Variants in NKD2 observed in about 807,000 individuals in gnomAD.
NKD2 encodes the protein NKD inhibitor of Wnt signaling pathway 2.
Under a neutral mutation model 34.8 loss-of-function variants are expected in NKD2, and 43 were observed. The observed-to-expected ratio is 1.24, with a 90% CI of 0.97 to 1.60. NKD2 has a LOEUF of 1.60. Ranked by LOEUF, NKD2 falls within the 40% of genes most tolerant of loss-of-function variation. The probability of loss-of-function intolerance (pLI) is 0.00; values close to 1 mark genes in which losing one functional copy is unlikely to be tolerated. For synonymous variants in NKD2, 278 were observed against 265.1 expected (o/e 1.05, Z -0.47); for missense variants, 675 against 627.1 (o/e 1.08, Z -0.82).
At position 1,037,990 on chromosome 5, in the gene NKD2, G is replaced by A; in HGVS notation, c.973G>A (p.Gly325Arg). ...RALDTQPRPKGPEKQFLKSPK... is the reference protein window; with the variant it reads ...RALDTQPRPKRPEKQFLKSPK... ...CCTGGACACGCAGCCCCGGCCGAAGGGGCCGGAGAAGCAGTTCCTCAAGTC... is the reference window on the plus strand; with the variant it reads ...CCTGGACACGCAGCCCCGGCCGAAGAGGCCGGAGAAGCAGTTCCTCAAGTC... Residue 325 changes from glycine (G) to arginine (R), a missense_variant, in exon 10 of 10, where the codon GGG becomes AGG. Physicochemically the swap from Gly to Arg is moderately radical, Grantham distance 125. Transcript: ENST00000296849. The A allele has an allele frequency of 6.2e-7, 1 of 1,606,426 alleles. No homozygotes were observed. The highest frequency in any genetic ancestry group is 8.5e-7 in the Non-Finnish European group (1 of 1,178,022).
chr5:1,030,901 G>T (rs1465181299), intron 3 of NKD2, among the ~76,000 whole-genome samples: 1 of 152,176 alleles, frequency 6.6e-6, no homozygotes, highest in Admixed American at 6.5e-5. Context: ...CAGCCACAAG[G>T]GGGGCTGGGG....
chr5:1,028,356 C>T (rs575840055), intron 3 of NKD2, among the ~76,000 whole-genome samples: 3 of 152,280 alleles, frequency 2.0e-5, no homozygotes, highest in East Asian at 1.9e-4. Flanking sequence ...CATGCAGCTG[C>T]GAGGCTATGG....
rs561258381 is a variant in NKD2 at position 1,026,873 on chromosome 5, A to T, written c.142-5279A>T. 2.0e-5 allele frequency among the ~76,000 whole-genome samples: 3 copies of T among 152,334 alleles called. No homozygotes were observed. In the East Asian group the frequency reaches 5.8e-4, roughly 29 times the overall value. On this transcript the variant is annotated intron_variant, in intron 3 of 9. Transcript: ENST00000296849. ...CTGAGGTGGCGGTGGCTGCAGCCTA[A>T]GCTTGGCAGGCGCCTACCTTGCTCC... is the stretch of plus-strand genomic sequence containing the variant.
chr5:1,021,326 C>T (rs1756168991), intron 3 of NKD2, among the ~76,000 whole-genome samples: 1 of 143,170 alleles, frequency 7.0e-6, no homozygotes, highest in Non-Finnish European at 1.5e-5. Flanking sequence ...CCCCCACCTC[C>T]CAGCCCCTTT....
Position 1,009,375 on chromosome 5 carries a change from C to A in NKD2, c.62-106C>A. On this transcript the variant is annotated intron_variant, in intron 2 of 9. Coordinates refer to ENST00000296849, the MANE Select transcript of NKD2 (RefSeq NM_033120.4). The surrounding 1 kb of genome is among the most constrained non-coding windows in gnomAD (Gnocchi z 6.9). ...ACCCCCACGCCTGCCCCTGCGCGGT[C>A]TCCAGGCGATGGGGACACAGCGAAG... 2 of 922,600 alleles carry A rather than the reference C, an allele frequency of 2.2e-6. No individual in the cohort carries two copies. Among genetic ancestry groups the A allele is most frequent in the Non-Finnish European group, 3.1e-6 (2 of 640,976 alleles). The allele number at this position is 922,600 out of a possible 1,614,324, so 57.2% of individuals were successfully genotyped here. A position where few individuals can be genotyped will look rare whatever the true frequency, so the allele number is the denominator to read the frequency against.
chr5:1,037,655 T>C, intron 9 of NKD2, 150 bp from the exon 10 acceptor site: 2 of 1,535,968 alleles, frequency 1.3e-6, no homozygotes, highest in Non-Finnish European at 1.7e-6. Flanking sequence ...CCTTCAGGGC[T>C]GGTGGCCGTC....
chr5:1,035,156 ATGAATGAG>A, intron 7 of NKD2, among the ~76,000 whole-genome samples: 1 of 149,986 alleles, frequency 6.7e-6, no homozygotes, highest in South Asian at 2.1e-4. Context: ...GAATGAGTTA[ATGAATGAG>A]TGAGTGTTAA....
rs1329390308 is a variant in NKD2, at chr5:1,035,735, T to TGCTGTGGCTC, written c.659+263_659+272dup. ...GGCCTTGACACCCTCAGTCTGGACT[T>TGCTGTGGCTC]GCTGTGGCTCACTGTGGCTCCCTGT... On this transcript the variant is annotated intron_variant, in intron 8 of 9. Coordinates refer to ENST00000296849, the MANE Select transcript of NKD2 (RefSeq NM_033120.4). The TGCTGTGGCTC allele has an allele frequency of 9.0e-4, 473 of 526,296 alleles. 1 individual carries two copies. The highest frequency in any genetic ancestry group is 6.9e-3 in the African/African-American group (356 of 51,946). 32.6% of individuals were successfully genotyped at this position (526,296 alleles called of 1,614,324 possible). A position where few individuals can be genotyped will look rare whatever the true frequency, so the allele number is the denominator to read the frequency against.
chr5:1,016,103 C>G (rs568731225), intron 3 of NKD2, among the ~76,000 whole-genome samples: 213 of 152,346 alleles, frequency 1.4e-3, no homozygotes, highest in Non-Finnish European at 2.5e-3. Flanking sequence ...AGGATCCCCC[C>G]CCACACCGGA....
At chr5:1,010,830 G>T (rs1404705727) in intron 3 of NKD2, among the ~76,000 whole-genome samples, 1 of 152,352 alleles carries the variant, frequency 6.6e-6, no homozygotes, top group African/African-American at 2.4e-5. Flanking sequence ...CCTCTCTCGT[G>T]GTCAGGGCTT....
rs933973157 is a variant in NKD2, at chr5:1,009,569, C to T, written c.141+9C>T. On this transcript the variant is annotated intron_variant, in intron 3 of 9. Coordinates refer to ENST00000296849, the MANE Select transcript of NKD2 (RefSeq NM_033120.4). This position sits in a 1 kb window ranked among gnomAD's most constrained non-coding sequence, Gnocchi z 6.9. ...GCGCGCGGGACAAGCAGGTAGGCGG[C>T]GGGGCGGAGGCTGGGGTCGCGCTGC... The T allele has an allele frequency of 1.2e-5, 18 of 1,472,396 alleles. No individual in the cohort carries two copies. In the African/African-American group the frequency reaches 1.8e-4, roughly 14 times the overall value. 91.2% of individuals were successfully genotyped at this position (1,472,396 alleles called of 1,614,324 possible).
At chr5:1,031,107 C>T (rs548447384) in intron 3 of NKD2, among the ~76,000 whole-genome samples, 1 of 152,260 alleles carries the variant, frequency 6.6e-6, no homozygotes, top group African/African-American at 2.4e-5. Flanking sequence ...TCCAGGTGCC[C>T]TCGAGGGTGA....
Position 1,009,599 on chromosome 5 carries a change from C to T in NKD2, c.141+39C>T, listed in dbSNP as rs942831153. On this transcript the variant is annotated intron_variant, in intron 3 of 9. Coordinates refer to ENST00000296849, the MANE Select transcript of NKD2 (RefSeq NM_033120.4). This position sits in a 1 kb window ranked among gnomAD's most constrained non-coding sequence, Gnocchi z 6.9. ...CGGAGGCTGGGGTCGCGCTGCGCACCCGCCCGGGGGCGGGGAGCGGTGTCA... is the reference window on the plus strand; with the variant it reads ...CGGAGGCTGGGGTCGCGCTGCGCACTCGCCCGGGGGCGGGGAGCGGTGTCA... 5.1e-5 allele frequency: 71 copies of T among 1,393,084 alleles called. No homozygotes were observed. In the Middle Eastern group the frequency reaches 1.8e-3, roughly 35 times the overall value. 86.3% of individuals were successfully genotyped at this position (1,393,084 alleles called of 1,614,324 possible). A position where few individuals can be genotyped will look rare whatever the true frequency, so the allele number is the denominator to read the frequency against.
intron 9 of NKD2, chr5:1,037,532 G>T: frequency 3.3e-6 from 5 of 1,535,880 alleles, no homozygotes; most frequent in Non-Finnish European, 4.4e-6. Flanking sequence ...TCTCAGCTGT[G>T]CGAGAAGAGA....
intron 4 of NKD2, 142 bp downstream of exon 4, chr5:1,032,354 A>ATTT (rs1756679485): frequency 1.4e-6 from 1 of 697,472 alleles, no homozygotes; most frequent in South Asian, 1.6e-5. Flanking sequence ...TGTTCTTAAA[A>ATTT]AGCCTTGGCA....
At chr5:1,028,510 C>T (rs999811053) in intron 3 of NKD2, among the ~76,000 whole-genome samples, 2 of 152,148 alleles carry the variant, frequency 1.3e-5, no homozygotes, top group Non-Finnish European at 1.5e-5. Context: ...GGCAGGCCCA[C>T]GGTCGGGTTC....
Position 1,036,364 on chromosome 5 carries a change from A to G in NKD2, c.767A>G (p.Tyr256Cys). 1 of 1,612,710 alleles carries G rather than the reference A, an allele frequency of 6.2e-7. No homozygotes were observed. The highest frequency in any genetic ancestry group is 8.5e-7 in the Non-Finnish European group (1 of 1,179,702). Reference protein sequence around the residue: ...HYLDLAGIENYTSRFGPGSPP... With the variant: ...HYLDLAGIENCTSRFGPGSPP... Reference sequence around the variant, plus strand: ...CTGGACCTCGCCGGGATTGAGAACTACACGTCCAGATTCGGCCCTGGTAGG... The same window carrying G: ...CTGGACCTCGCCGGGATTGAGAACTGCACGTCCAGATTCGGCCCTGGTAGG... The change falls in exon 9 of 10, where the codon TAC (tyrosine) becomes TGC (cysteine). Residue 256 changes from tyrosine to cysteine, a missense_variant. Transcript: ENST00000296849.
intron 3 of NKD2, among the ~76,000 whole-genome samples, chr5:1,016,579 G>T (rs951534405): frequency 1.3e-5 from 2 of 152,232 alleles, no homozygotes; most frequent in African/African-American, 4.8e-5. Flanking sequence ...GTGTCTTGGC[G>T]GATTTAGACT....
Position 1,038,209 on chromosome 5 carries a change from G to T in NKD2, c.1192G>T (p.Ala398Ser). ...KGREGHSPLK[A>S]PHAQPATVEH... ...CAGGGAGGGCCACTCGCCACTCAAG[G>T]CCCCACACGCTCAGCCTGCCACAGT... Residue 398 changes from alanine to serine, a missense_variant, in exon 10 of 10, where the codon GCC (alanine) becomes TCC (serine). Ala to Ser is a moderately conservative substitution (Grantham distance 99, BLOSUM62 1). Transcript: ENST00000296849. The surrounding 1 kb of genome is among the most constrained non-coding windows in gnomAD (Gnocchi z 4.5). 1 of 1,591,324 alleles carries T rather than the reference G, an allele frequency of 6.3e-7. No individual in the cohort carries two copies. Among genetic ancestry groups the T allele is most frequent in the Non-Finnish European group, 8.5e-7 (1 of 1,171,334 alleles).
Sources: allele counts gnomAD v4.1 joint callset (sites outside exome capture counted in the v4.1 genomes callset), GRCh38; gene constraint gnomAD v4.1.1; non-coding constraint Gnocchi (gnomAD v3.1); transcripts MANE v1.5; gene names NCBI Gene and HGNC (gene_info 2026-07-23, HGNC 2026-07-21).